Variants in CEP83 observed in about 807,000 individuals in gnomAD.
CEP83 encodes centrosomal protein 83, also known as centrosomal protein of 83 kDa.
In CEP83, 70 loss-of-function variants were observed where a neutral mutation model predicts 101.9. That is an observed-to-expected ratio of 0.69 (90% CI 0.57 to 0.84). CEP83 has a LOEUF of 0.84. CEP83 is among the 40% of genes least tolerant of loss of function. The probability of loss-of-function intolerance (pLI) is 0.00; values close to 1 mark genes in which losing one functional copy is unlikely to be tolerated. For missense variants in CEP83, 715 were observed against 787.2 expected (o/e 0.91, Z 1.10); for synonymous variants, 264 against 267.9 (o/e 0.99, Z 0.14).
At chr12:94,406,771 T>G (rs1184170050) in intron 4 of CEP83, among the ~76,000 whole-genome samples, 4 of 151,172 alleles carry the variant, frequency 2.6e-5, no homozygotes, top group Non-Finnish European at 5.9e-5. Context: ...AATAAAAAAT[T>G]TAAAAATTAA....
chr12:94,396,431 G>C (rs568278240), intron 6 of CEP83, among the ~76,000 whole-genome samples: 252 of 151,752 alleles, frequency 1.7e-3, no homozygotes, highest in Non-Finnish European at 3.0e-3. Flanking sequence ...TGGGACTACA[G>C]GTGCGTGCCA....
rs145048302 is a variant in CEP83 at position 94,365,665 on chromosome 12, G to C, written c.1343+2129C>G. 5.5e-3 allele frequency among the ~76,000 whole-genome samples: 834 copies of C among 151,566 alleles called. 7 individuals carry two copies. Among genetic ancestry groups the C allele is most frequent in the African/African-American group, 0.019 (795 of 41,278 alleles). The stretch of plus-strand genomic sequence containing the variant: ...TACACCTGTAATCTCAGCTACTCAG[G>C]AGGCAGGAGAATCACTTGAATCCCA... On this transcript the variant is annotated intron_variant, in intron 11 of 16. Coordinates refer to ENST00000397809, the MANE Select transcript of CEP83 (RefSeq NM_016122.3).
chr12:94,389,610 T>C (rs1395755914), intron 6 of CEP83, among the ~76,000 whole-genome samples: 2 of 152,162 alleles, frequency 1.3e-5, no homozygotes, highest in Middle Eastern at 3.2e-3. Context: ...TTCATCTCAC[T>C]GGGACTGGTG....
At chr12:94,429,949 T>C (rs1479497443) in intron 2 of CEP83, among the ~76,000 whole-genome samples, 2 of 152,190 alleles carry the variant, frequency 1.3e-5, no homozygotes, top group Non-Finnish European at 2.9e-5. Flanking sequence ...TCCCCAGCAG[T>C]AGGGCTGCAG....
At chr12:94,357,452 T>C (rs1038407277) in intron 11 of CEP83, among the ~76,000 whole-genome samples, 5 of 152,168 alleles carry the variant, frequency 3.3e-5, no homozygotes, top group Middle Eastern at 3.2e-3. Context: ...AGGAAGACAC[T>C]GGGCTAGTCA....
chr12:94,287,629 A>G, the CEP83 span, among the ~76,000 whole-genome samples: 49 of 152,344 alleles, frequency 3.2e-4, no homozygotes, highest in African/African-American at 1.1e-3. Context: ...ACAGATGTGT[A>G]CTAATGCAGA....
chr12:94,268,105 C>T, the CEP83 span, among the ~76,000 whole-genome samples: 1 of 152,094 alleles, frequency 6.6e-6, no homozygotes, highest in African/African-American at 2.4e-5. Context: ...GGCAGGGACA[C>T]GTTTGGAAAA....
intron 2 of CEP83, among the ~76,000 whole-genome samples, chr12:94,419,166 C>T (rs2064519849): frequency 6.6e-6 from 1 of 151,630 alleles, no homozygotes; most frequent in African/African-American, 2.4e-5. Flanking sequence ...GCAGATAGAG[C>T]AATATACAAA....
downstream of CEP83, chr12:94,303,613 G>A (rs114076907): frequency 3.8e-4 from 235 of 624,008 alleles, 1 homozygote; most frequent in African/African-American, 4.2e-3. Context: ...AAGGCCTACT[G>A]CATGAAGCCT....
intron 2 of CEP83, among the ~76,000 whole-genome samples, chr12:94,427,865 T>C (rs1327078625): frequency 6.6e-6 from 1 of 152,156 alleles, no homozygotes; most frequent in Non-Finnish European, 1.5e-5. Context: ...AAACAGCCTT[T>C]GGATAGCCAT....
intron 5 of CEP83, chr12:94,401,225 T>C: frequency 6.5e-6 from 1 of 152,888 alleles, no homozygotes; most frequent in South Asian, 2.6e-4. Flanking sequence ...ATCTTATTTC[T>C]TCACTGGTTC....
At chr12:94,380,244 T>C (rs2061773278) in intron 6 of CEP83, among the ~76,000 whole-genome samples, 1 of 152,104 alleles carries the variant, frequency 6.6e-6, no homozygotes, top group Non-Finnish European at 1.5e-5. Context: ...ACCTGTAAAA[T>C]GGGAAACTGA....
At chr12:94,423,474 T>G (rs1309721115) in intron 2 of CEP83, among the ~76,000 whole-genome samples, 1 of 150,148 alleles carries the variant, frequency 6.7e-6, no homozygotes, top group Non-Finnish European at 1.5e-5. Flanking sequence ...TTTTTTTTTT[T>G]GCAAAAGAAA....
chr12:94,449,603 GA>G (rs559626964), intron 1 of CEP83, among the ~76,000 whole-genome samples: 8,501 of 113,942 alleles, frequency 0.075, 269 homozygotes, highest in Admixed American at 0.097. Context: ...AAAAAATACC[GA>G]AAAAAAAAAA....
intron 8 of CEP83, 88 bp downstream of exon 8, chr12:94,375,798 A>T: frequency 3.0e-6 from 2 of 660,536 alleles, no homozygotes; most frequent in Non-Finnish European, 2.3e-6. Context: ...ACATTTCAGT[A>T]TAAAGAAATC....
At chr12:94,424,323 T>G in intron 2 of CEP83, 1 of 1,614,152 alleles carries the variant, frequency 6.2e-7, no homozygotes, top group South Asian at 1.1e-5. Flanking sequence ...TCAGCAAATT[T>G]GCAAAGCAAG....
chr12:94,430,926 A>G (rs1044215713), intron 2 of CEP83, among the ~76,000 whole-genome samples: 2 of 152,264 alleles, frequency 1.3e-5, no homozygotes, highest in African/African-American at 4.8e-5. Flanking sequence ...AAGACATTCT[A>G]TGCAAACAGA....
chr12:94,293,156 C>T, the CEP83 span, among the ~76,000 whole-genome samples: 4 of 152,028 alleles, frequency 2.6e-5, no homozygotes, highest in Non-Finnish European at 5.9e-5. Context: ...ACCCATGTGG[C>T]GTGTAACAGT....
At chr12:94,390,024 CCTCT>C (rs2062419570) in intron 6 of CEP83, among the ~76,000 whole-genome samples, 1 of 152,256 alleles carries the variant, frequency 6.6e-6, no homozygotes, top group Admixed American at 6.5e-5. Context: ...CTAGACACCA[CCTCT>C]GTGGGTGGGG....
Sources: gnomAD v4.1 joint callset for allele counts (sites outside exome capture counted in the v4.1 genomes callset) on GRCh38, gnomAD v4.1.1 for gene constraint, MANE v1.5 for transcripts, NCBI Gene and HGNC (gene_info 2026-07-23, HGNC 2026-07-21) for gene names.